Variants in PXDNL observed in about 807,000 individuals in gnomAD.
The protein encoded by PXDNL is peroxidasin like, also known as probable oxidoreductase PXDNL.
In PXDNL, 145 loss-of-function variants were observed where a neutral mutation model predicts 150.8. The observed-to-expected ratio is 0.96, with a 90% CI of 0.84 to 1.10. PXDNL has a LOEUF of 1.10. Ranked by LOEUF, PXDNL falls within the 50% of genes least tolerant of loss-of-function variation. The probability of loss-of-function intolerance (pLI) is 0.00; values close to 1 mark genes in which losing one functional copy is unlikely to be tolerated. For missense variants in PXDNL, 2,087 were observed against 1,873.9 expected, an observed-to-expected ratio of 1.11 and a Z score of -2.10; for synonymous variants, 757 against 725.7, an observed-to-expected ratio of 1.04 and a Z score of -0.69.
intron 8 of PXDNL, among the ~76,000 whole-genome samples, chr8:51,471,118 C>A (rs1585498576): frequency 1.0e-5 from 1 of 98,312 alleles, no homozygotes. Context: ...CCAGAATCTA[C>A]AAGGAACTTA....
intron 2 of PXDNL, among the ~76,000 whole-genome samples, chr8:51,612,083 T>C (rs1289535930): frequency 1.3e-5 from 2 of 152,186 alleles, no homozygotes; most frequent in Non-Finnish European, 2.9e-5. Context: ...TTGACAAATA[T>C]CGACCTGGCA....
chr8:51,781,172 A>C (rs376328051), intron 1 of PXDNL, among the ~76,000 whole-genome samples: 79 of 152,290 alleles, frequency 5.2e-4, no homozygotes, highest in African/African-American at 1.5e-3. Flanking sequence ...TATTATAGGC[A>C]TGCATTGTGG....
intron 17 of PXDNL, among the ~76,000 whole-genome samples, chr8:51,379,459 T>C (rs1024641536): frequency 7.9e-5 from 12 of 152,206 alleles, no homozygotes; most frequent in African/African-American, 2.2e-4. Context: ...TTCTACGTGT[T>C]GATTGAAAAT....
Position 51,499,752 on chromosome 8 carries a change from T to C in PXDNL, c.399A>G (p.Gln133=), listed in dbSNP as rs369197424. The C allele has an allele frequency of 6.2e-7, 1 of 1,613,100 alleles. No individual in the cohort carries two copies. The highest frequency in any genetic ancestry group is 8.5e-7 in the Non-Finnish European group (1 of 1,179,092). Residue 133 remains glutamine (Q), a synonymous_variant, in exon 5 of 23, where the codon CAA becomes CAG. Coordinates refer to ENST00000356297, the MANE Select transcript of PXDNL (RefSeq NM_144651.5). The part of the protein sequence containing the change: ...SLEHLYIHFN[Q]LEMLQPETFG... ...AGGTCTCTGGCTGTAGCATTTCTAG[T>C]TGGTTGAAATGAATATACCTGGAAG...
Position 51,472,298 on chromosome 8 carries a change from G to A in PXDNL, c.701C>T (p.Pro234Leu). Residue 234 changes from proline (P) to leucine (L), a missense_variant, in exon 8 of 23, where the codon CCC (proline) becomes CTC (leucine). Coordinates refer to ENST00000356297, the MANE Select transcript of PXDNL (RefSeq NM_144651.5). ...ATCCTGCGGCTCAAAAGTAATTCGG[G>A]GGCTCTCTGCAACAAAAGAATTATT... ...VTVEEFNCQS[P>L]RITFEPQDVE... 2 of 1,610,136 alleles carry A rather than the reference G, an allele frequency of 1.2e-6. No individual in the cohort carries two copies. Among genetic ancestry groups the A allele is most frequent in the Middle Eastern group, 1.7e-4 (1 of 6,050 alleles).
At chr8:51,617,150 G>T (rs1814146392) in intron 2 of PXDNL, among the ~76,000 whole-genome samples, 1 of 152,090 alleles carries the variant, frequency 6.6e-6, no homozygotes, top group Non-Finnish European at 1.5e-5. Context: ...AACACAATTC[G>T]CCAATTTGTC....
At chr8:51,501,338 T>C (rs564935866) in intron 4 of PXDNL, among the ~76,000 whole-genome samples, 8 of 132,746 alleles carry the variant, frequency 6.0e-5, no homozygotes, top group African/African-American at 2.2e-4. Context: ...ACTTTCATAC[T>C]GACACACACT....
chr8:51,455,667 A>G (rs755604555), intron 9 of PXDNL, among the ~76,000 whole-genome samples: 2 of 152,156 alleles, frequency 1.3e-5, no homozygotes, highest in Non-Finnish European at 2.9e-5. Context: ...CGTGTTCTCA[A>G]AGTAGAAATG....
At chr8:51,635,603 A>G (rs1432439201) in intron 2 of PXDNL, among the ~76,000 whole-genome samples, 1 of 152,002 alleles carries the variant, frequency 6.6e-6, no homozygotes, top group Non-Finnish European at 1.5e-5. Context: ...AGATAACCTA[A>G]ATAAAATAGA....
intron 21 of PXDNL, among the ~76,000 whole-genome samples, chr8:51,326,120 G>C (rs1805477557): frequency 6.6e-6 from 1 of 152,158 alleles, no homozygotes; most frequent in Non-Finnish European, 1.5e-5. Flanking sequence ...TCCCTGATCA[G>C]TCTGCTTTCT....
At position 51,374,656 on chromosome 8, in the gene PXDNL, C is replaced by G. The variant is rs1203133754; in HGVS notation, c.3633G>C (p.Val1211=). Residue 1211 remains valine, a synonymous_variant, in exon 18 of 23, where the codon GTG becomes GTC. Transcript: ENST00000356297. ...MVEDLIPGTR[V]GPTLMCLFVT... is the part of the protein sequence containing the mutation. The stretch of plus-strand genomic sequence containing the variant: ...CAAACAGGCACATAAGTGTTGGTCC[C>G]ACTCTTGTACCAGGAATCAGGTCTT... 1 of 1,613,820 alleles carries G rather than the reference C, an allele frequency of 6.2e-7. No homozygotes were observed. Among genetic ancestry groups the G allele is most frequent in the African/African-American group, 1.3e-5 (1 of 74,904 alleles).
chr8:51,426,980 A>G (rs540793340), intron 12 of PXDNL, among the ~76,000 whole-genome samples: 5 of 152,210 alleles, frequency 3.3e-5, no homozygotes, highest in Non-Finnish European at 5.9e-5. Flanking sequence ...GAATGCACTG[A>G]AACTTTAACT....
chr8:51,370,710 C>G (rs145759144), intron 19 of PXDNL, among the ~76,000 whole-genome samples: 1,989 of 152,302 alleles, frequency 0.013, 33 homozygotes, highest in African/African-American at 0.044. Flanking sequence ...GATTCTCTTG[C>G]CTTAGCCTCC....
At chr8:51,696,175 G>A (rs1319580095) in intron 1 of PXDNL, among the ~76,000 whole-genome samples, 6 of 152,172 alleles carry the variant, frequency 3.9e-5, no homozygotes, top group African/African-American at 1.2e-4. Context: ...GGACTTAATT[G>A]TGTCCCCCTA....
intron 4 of PXDNL, among the ~76,000 whole-genome samples, chr8:51,552,601 G>A (rs149247579): frequency 1.6e-3 from 249 of 152,236 alleles, no homozygotes; most frequent in African/African-American, 5.3e-3. Context: ...AAATATCGTA[G>A]GTTCTCATAA....
chr8:51,489,716 C>A (rs972016265), intron 5 of PXDNL, among the ~76,000 whole-genome samples: 6 of 152,156 alleles, frequency 3.9e-5, no homozygotes, highest in African/African-American at 1.4e-4. Context: ...AGAATGGATT[C>A]TTCAAAGATC....
At chr8:51,738,460 CT>C (rs896332581) in intron 1 of PXDNL, among the ~76,000 whole-genome samples, 6 of 152,120 alleles carry the variant, frequency 3.9e-5, no homozygotes, top group African/African-American at 1.4e-4. Flanking sequence ...TTCCTCTTTA[CT>C]CTTCAAATTT....
rs1394702074 is a variant in PXDNL, at chr8:51,453,692, G to A, written c.1076C>T (p.Pro359Leu). 2.5e-6 allele frequency: 4 copies of A among 1,614,044 alleles called. No homozygotes were observed. The highest frequency in any genetic ancestry group is 2.7e-5 in the African/African-American group (2 of 75,064). ...ATTGTCCCTGGTCCAAGTGATAAGA[G>A]GGTGTGGGTGGCCTGTGGCCATACA... ...LECMATGHPHPLITWTRDNGL... is the reference protein window; with the variant it reads ...LECMATGHPHLLITWTRDNGL... Residue 359 changes from proline (P) to leucine (L), a missense_variant, in exon 10 of 23, where the codon CCT (proline) becomes CTT (leucine). Pro to Leu is a moderately conservative substitution (Grantham distance 98). Transcript: ENST00000356297.
rs139227106 is a variant in PXDNL, at chr8:51,553,388, G to A, written c.380+3452C>T. Among the ~76,000 whole-genome samples, 24 of 152,298 alleles carry A rather than the reference G, an allele frequency of 1.6e-4. 1 individual carries two copies. Among genetic ancestry groups the A allele is most frequent in the Middle Eastern group, 6.8e-3 (2 of 294 alleles). On this transcript the variant is annotated intron_variant, in intron 4 of 22. Coordinates refer to ENST00000356297, the MANE Select transcript of PXDNL (RefSeq NM_144651.5). ...TGAAAAGGCACTGCCTGGGGCCTCA[G>A]GCTGTCCAAAACATCCTTTGAAATC... is the stretch of plus-strand genomic sequence containing the variant.
Sources: gnomAD v4.1 joint callset for allele counts (sites outside exome capture counted in the v4.1 genomes callset) on GRCh38, gnomAD v4.1.1 for gene constraint, MANE v1.5 for transcripts, NCBI Gene and HGNC (gene_info 2026-07-23, HGNC 2026-07-21) for gene names.